The following SPDL1 variants were observed in gnomAD, a reference collection of about 807,000 sequenced individuals.
SPDL1 encodes the protein spindle apparatus coiled-coil protein 1, also known as protein Spindly.
A neutral mutation model predicts 79.5 loss-of-function variants in SPDL1; 85 were observed. That is an observed-to-expected ratio of 1.07 (90% CI 0.90 to 1.28). SPDL1 has a LOEUF of 1.28. Ranked by LOEUF, SPDL1 falls within the 50% of genes most tolerant of loss-of-function variation. The pLI, the probability that SPDL1 is intolerant of heterozygous loss-of-function variation, is 0.00. For missense variants in SPDL1, 703 were observed against 697.8 expected, an observed-to-expected ratio of 1.01 and a Z score of -0.08; for synonymous variants, 269 against 240.3, an observed-to-expected ratio of 1.12 and a Z score of -1.10.
Position 169,593,424 on chromosome 5 carries a change from A to G in SPDL1, c.407A>G (p.His136Arg), listed in dbSNP as rs762973292. Residue 136 changes from histidine (H) to arginine (R), a missense_variant, in exon 4 of 12, where the codon CAT (histidine) becomes CGT (arginine). By Grantham distance (29) the His-to-Arg change is conservative. Coordinates refer to ENST00000265295, the MANE Select transcript of SPDL1 (RefSeq NM_017785.5). ...SEKQLKHQVD[H>R]QKELLSCKSE... ...AAGCAGCTGAAGCACCAAGTAGATCATCAGAAGGAACTCCTCTCTTGTAAA... is the reference window on the plus strand; with the variant it reads ...AAGCAGCTGAAGCACCAAGTAGATCGTCAGAAGGAACTCCTCTCTTGTAAA... 1.2e-6 allele frequency: 2 copies of G among 1,614,118 alleles called. No homozygotes were observed. Among genetic ancestry groups the G allele is most frequent in the South Asian group, 1.1e-5 (1 of 91,064 alleles).
chr5:169,593,272 T>C (rs1483002800), intron 3 of SPDL1, 82 bp from the exon 4 acceptor site: 1 of 1,238,056 alleles, frequency 8.1e-7, no homozygotes, highest in African/African-American at 1.5e-5. Flanking sequence ...ATTCAGTAAG[T>C]TTGGTTCAAT....
chr5:169,600,038 T>A (rs181603930), intron 10 of SPDL1, among the ~76,000 whole-genome samples: 1 of 152,172 alleles, frequency 6.6e-6, no homozygotes, highest in East Asian at 1.9e-4. Flanking sequence ...GAGAGTGAAG[T>A]TTACTGTATG....
chr5:169,584,216 A>T (rs966353657), intron 1 of SPDL1: 1 of 152,258 alleles, frequency 6.6e-6, no homozygotes, highest in African/African-American at 2.4e-5. Flanking sequence ...TGGGAGATAC[A>T]TATTGGGTTT....
chr5:169,598,655 T>A (rs1561875519), intron 9 of SPDL1, 76 bp downstream of exon 9: 12 of 1,261,474 alleles, frequency 9.5e-6, no homozygotes, highest in Non-Finnish European at 1.2e-5. Context: ...ACTACAAAGT[T>A]TTTTTGAAAT....
Position 169,593,266 on chromosome 5 carries a change from A to C in SPDL1, c.337-88A>C, listed in dbSNP as rs141066431. 34 of 1,159,868 alleles carry C rather than the reference A, an allele frequency of 2.9e-5. 1 individual carries two copies. In the East Asian group the frequency reaches 8.0e-4, roughly 27 times the overall value. The allele number at this position is 1,159,868 out of a possible 1,614,324, so 71.8% of individuals were successfully genotyped here. On this transcript the variant is annotated intron_variant, in intron 3 of 11. Transcript: ENST00000265295. ...GGAAACTCCAATAGTATCATCATTC[A>C]GTAAGTTTGGTTCAATCAGTTCAAT...
chr5:169,598,838 G>T, intron 9 of SPDL1, 134 bp from the exon 10 acceptor site: 2 of 1,217,666 alleles, frequency 1.6e-6, no homozygotes, highest in Non-Finnish European at 2.2e-6. Flanking sequence ...ATTGTTTATT[G>T]TTTCTTTGTT....
At chr5:169,600,846 G>T (rs761656055) in intron 10 of SPDL1, among the ~76,000 whole-genome samples, 10 of 152,126 alleles carry the variant, frequency 6.6e-5, no homozygotes, top group African/African-American at 9.7e-5. Flanking sequence ...AGTGAAGTGG[G>T]TGCTTTTAAT....
Position 169,596,621 on chromosome 5 carries a change from C to T in SPDL1, c.952C>T (p.Arg318Trp), listed in dbSNP as rs142021941. The stretch of plus-strand genomic sequence containing the variant: ...TCAAACTGAATTTGAGCAGCAGGAA[C>T]GGTTGCTTGCCATGTTGGAGCAGAA... ...GSQTEFEQQE[R>W]LLAMLEQKNG... Residue 318 changes from arginine to tryptophan, a missense_variant, in exon 8 of 12, where the codon CGG becomes TGG. Coordinates refer to ENST00000265295, the MANE Select transcript of SPDL1 (RefSeq NM_017785.5). 49 of 1,608,348 alleles carry T rather than the reference C, an allele frequency of 3.0e-5. No homozygotes were observed. The highest frequency in any genetic ancestry group is 5.4e-5 in the African/African-American group (4 of 74,594).
intron 8 of SPDL1, 122 bp from the exon 9 acceptor site, chr5:169,598,354 T>G (rs1179835365): frequency 1.6e-6 from 1 of 609,208 alleles, no homozygotes; most frequent in Non-Finnish European, 2.9e-6. Flanking sequence ...ATTAAATGGG[T>G]AGTTCTTAGC....
chr5:169,586,983 C>T (rs3892760), intron 1 of SPDL1, among the ~76,000 whole-genome samples: 15,300 of 152,208 alleles, frequency 0.1, 1,299 homozygotes, highest in African/African-American at 0.23. Flanking sequence ...CCAAATTTCA[C>T]TCCCTGGGCT....
Position 169,594,376 on chromosome 5 carries a change from GT to G in SPDL1, c.682-14del. On this transcript the variant is annotated splice_polypyrimidine_tract_variant and intron_variant, in intron 5 of 11. Transcript: ENST00000265295. Reference sequence around the variant, plus strand: ...TAATGTAATCTCTGTTGCCTAAATTGTTTTCTTTTGAATTTAGAAAGCTCGT... The same window carrying G: ...TAATGTAATCTCTGTTGCCTAAATTGTTTCTTTTGAATTTAGAAAGCTCGT... 1.2e-6 allele frequency: 2 copies of G among 1,613,054 alleles called. No individual in the cohort carries two copies. The highest frequency in any genetic ancestry group is 1.7e-6 in the Non-Finnish European group (2 of 1,179,248).
intron 1 of SPDL1, chr5:169,586,540 A>G (rs1437597583): frequency 1.3e-5 from 2 of 152,286 alleles, no homozygotes; most frequent in Non-Finnish European, 2.9e-5. Flanking sequence ...CCTACTTGAC[A>G]TAGTTCATGT....
In SPDL1 at chr5:169,594,573, G is replaced by A. The variant is rs1404285493; in HGVS notation, c.783G>A (p.Val261=). 1 of 1,613,634 alleles carries A rather than the reference G, an allele frequency of 6.2e-7. No homozygotes were observed. Among genetic ancestry groups the A allele is most frequent in the African/African-American group, 1.3e-5 (1 of 75,024 alleles). Residue 261 remains valine, a splice_region_variant and synonymous_variant, in exon 7 of 12, where the codon GTG becomes GTA. Coordinates refer to ENST00000265295, the MANE Select transcript of SPDL1 (RefSeq NM_017785.5). The part of the protein sequence containing the change: ...NSKGNSLFAE[V]EDRRAAMERQ... ...TTAAGCATGTTAATATTTTGTAGGT[G>A]GAAGATCGAAGGGCAGCAATGGAAC... is the stretch of plus-strand genomic sequence containing the variant.
chr5:169,598,322 A>T (rs1327050015), intron 8 of SPDL1, among the ~76,000 whole-genome samples, 154 bp from the exon 9 acceptor site: 1 of 152,178 alleles, frequency 6.6e-6, no homozygotes. Flanking sequence ...TTAATTATTT[A>T]CCTACTTCAG....
At position 169,604,091 on chromosome 5, in the gene SPDL1, G is replaced by A. The variant is rs1756068872; in HGVS notation, c.1702G>A (p.Val568Ile). Residue 568 changes from valine (V) to isoleucine (I), a missense_variant, in exon 12 of 12, where the codon GTT becomes ATT. Transcript: ENST00000265295. The stretch of plus-strand genomic sequence containing the variant: ...TGCTGAATCAAAGCTTCAAACAGAA[G>A]TTAAAGAAGGAAAAGAAACTTCAAG... ...LAAESKLQTE[V>I]KEGKETSSKL... 1 of 1,612,450 alleles carries A rather than the reference G, an allele frequency of 6.2e-7. No individual in the cohort carries two copies. The highest frequency in any genetic ancestry group is 8.5e-7 in the Non-Finnish European group (1 of 1,179,396).
In SPDL1 at chr5:169,589,099, G is replaced by A. The variant is rs1177902861; in HGVS notation, c.159+524G>A. On this transcript the variant is annotated intron_variant, in intron 2 of 11. Transcript: ENST00000265295. ...AATCTTTATATACCAAAGATTTTTG[G>A]TATATTTTTGGTTTCTTTATATACC... Among the ~76,000 whole-genome samples, 3 of 151,984 alleles carry A rather than the reference G, an allele frequency of 2.0e-5. No individual in the cohort carries two copies. In the East Asian group the frequency reaches 5.8e-4, roughly 29 times the overall value.
At position 169,588,527 on chromosome 5, in the gene SPDL1, A is replaced by G; in HGVS notation, c.111A>G (p.Leu37=). Residue 37 remains leucine, a synonymous_variant, in exon 2 of 12, where the codon TTA becomes TTG. Coordinates refer to ENST00000265295, the MANE Select transcript of SPDL1 (RefSeq NM_017785.5). Reference sequence around the variant, plus strand: ...AACTAGTAGAGAGTCAAAATGAATTACAGAATCAATTGGATAAATGTCGTA... The same window carrying G: ...AACTAGTAGAGAGTCAAAATGAATTGCAGAATCAATTGGATAAATGTCGTA... ...GLQLVESQNE[L]QNQLDKCRNE... The G allele has an allele frequency of 6.2e-7, 1 of 1,613,792 alleles. No individual in the cohort carries two copies. The highest frequency in any genetic ancestry group is 8.5e-7 in the Non-Finnish European group (1 of 1,179,844).
At chr5:169,591,551 T>A (rs931779305) in intron 3 of SPDL1, among the ~76,000 whole-genome samples, 4 of 152,254 alleles carry the variant, frequency 2.6e-5, no homozygotes, top group African/African-American at 9.6e-5. Context: ...TAGCCTTCCC[T>A]GCAGTCAGTG....
Position 169,594,223 on chromosome 5 carries a change from C to G in SPDL1, c.610C>G (p.Gln204Glu). The change falls in exon 5 of 12, where the codon CAG becomes GAG. Residue 204 changes from glutamine (Q) to glutamate (E), a missense_variant. By Grantham distance (29) the Gln-to-Glu change is conservative. Coordinates refer to ENST00000265295, the MANE Select transcript of SPDL1 (RefSeq NM_017785.5). ...ACTTCTTATTACTAACCTAATGCGC[C>G]AGGTAGACCGGCTTAAAGAGGAAAA... Reference protein sequence around the residue: ...LELLITNLMRQVDRLKEEKEE... With the variant: ...LELLITNLMREVDRLKEEKEE... 1 of 1,613,926 alleles carries G rather than the reference C, an allele frequency of 6.2e-7. No homozygotes were observed. The highest frequency in any genetic ancestry group is 8.5e-7 in the Non-Finnish European group (1 of 1,179,868).
Sources: gnomAD v4.1 joint callset for allele counts (sites outside exome capture counted in the v4.1 genomes callset) on GRCh38, gnomAD v4.1.1 for gene constraint, MANE v1.5 for transcripts, NCBI Gene and HGNC (gene_info 2026-07-23, HGNC 2026-07-21) for gene names.